PPA2: variants seen among roughly 807,000 people sequenced by gnomAD.
PPA2 encodes the protein inorganic pyrophosphatase 2.
In PPA2, 48 loss-of-function variants were observed where a neutral mutation model predicts 49.5. That is an observed-to-expected ratio of 0.97 (90% CI 0.77 to 1.23). PPA2 has a LOEUF of 1.23. Ranked by LOEUF, PPA2 falls within the 50% of genes most tolerant of loss-of-function variation. The pLI, the probability that PPA2 is intolerant of heterozygous loss-of-function variation, is 0.00. For missense variants in PPA2, 429 were observed against 410.1 expected (o/e 1.05, Z -0.40); for synonymous variants, 131 against 139.9 (o/e 0.94, Z 0.45).
intron 10 of PPA2, among the ~76,000 whole-genome samples, chr4:105,382,560 C>A (rs1181866098): frequency 6.6e-6 from 1 of 152,148 alleles, no homozygotes; most frequent in Non-Finnish European, 1.5e-5. Context: ...AACACACATT[C>A]TTTGTTCTCT....
chr4:105,397,000 G>A (rs1365152239), intron 8 of PPA2, among the ~76,000 whole-genome samples: 1 of 152,166 alleles, frequency 6.6e-6, no homozygotes, highest in Non-Finnish European at 1.5e-5. Flanking sequence ...GTCTAAAAAT[G>A]CATAAGCAAC....
At chr4:105,462,612 A>G (rs918745431) in intron 1 of PPA2, among the ~76,000 whole-genome samples, 1 of 152,254 alleles carries the variant, frequency 6.6e-6, no homozygotes, top group Non-Finnish European at 1.5e-5. Flanking sequence ...TCTATTCTAC[A>G]TAAGTTCTTA....
At chr4:105,471,020 G>C (rs1723501680) in intron 1 of PPA2, among the ~76,000 whole-genome samples, 1 of 152,176 alleles carries the variant, frequency 6.6e-6, no homozygotes, top group Admixed American at 6.5e-5. Flanking sequence ...AGTTTTTGGA[G>C]AAGTTACATC....
chr4:105,456,343 T>A, intron 2 of PPA2: 1 of 438,176 alleles, frequency 2.3e-6, no homozygotes. Flanking sequence ...CATGTTCACA[T>A]AGTGGCTAGC....
At chr4:105,408,957 C>T (rs1446957115) in intron 7 of PPA2, among the ~76,000 whole-genome samples, 1 of 152,170 alleles carries the variant, frequency 6.6e-6, no homozygotes, top group Non-Finnish European at 1.5e-5. Context: ...ATAGGAACAG[C>T]TCTGGTCTGC....
Position 105,396,385 on chromosome 4 carries a change from T to C in PPA2, c.784-51A>G, listed in dbSNP as rs549605544. 1.7e-4 allele frequency: 213 copies of C among 1,255,394 alleles called. 5 individuals are homozygous for C. In the South Asian group the frequency reaches 2.9e-3, roughly 17 times the overall value. 77.8% of individuals were successfully genotyped at this position (1,255,394 alleles called of 1,614,324 possible). On this transcript the variant is annotated intron_variant, in intron 8 of 11. Transcript: ENST00000341695. ...AAGACGTATTTAATATCAGTCACATTGTTACACTAACACAAAACTAATCTT... is the reference window on the plus strand; with the variant it reads ...AAGACGTATTTAATATCAGTCACATCGTTACACTAACACAAAACTAATCTT...
At chr4:105,453,285 G>A (rs368264769) in intron 3 of PPA2, among the ~76,000 whole-genome samples, 1 of 152,142 alleles carries the variant, frequency 6.6e-6, no homozygotes, top group Non-Finnish European at 1.5e-5. Flanking sequence ...TAGAGTTTCA[G>A]CTTGGGATGG....
intron 1 of PPA2, among the ~76,000 whole-genome samples, chr4:105,457,691 G>A (rs1578881790): frequency 1.3e-5 from 2 of 152,096 alleles, no homozygotes; most frequent in Admixed American, 6.5e-5. Flanking sequence ...AGCCTCCAGA[G>A]TAGCTGGGAC....
chr4:105,437,420 A>T (rs2636741), intron 6 of PPA2, among the ~76,000 whole-genome samples: 1 of 151,926 alleles, frequency 6.6e-6, no homozygotes, highest in Non-Finnish European at 1.5e-5. Context: ...GGGAGCATCA[A>T]TCTCTGAAAT....
chr4:105,405,819 A>G, intron 7 of PPA2: 1 of 469,984 alleles, frequency 2.1e-6, no homozygotes, highest in Non-Finnish European at 4.2e-6. Flanking sequence ...AACAACATGT[A>G]GGGCTGCATC....
chr4:105,400,909 C>T (rs1734338639), intron 7 of PPA2, among the ~76,000 whole-genome samples: 1 of 152,070 alleles, frequency 6.6e-6, no homozygotes, highest in African/African-American at 2.4e-5. Context: ...AAGTATAACT[C>T]TCCAAATATA....
chr4:105,455,844 CA>C (rs1187532902), intron 2 of PPA2, among the ~76,000 whole-genome samples: 1 of 152,186 alleles, frequency 6.6e-6, no homozygotes, highest in Non-Finnish European at 1.5e-5. Context: ...CTAGAAAACC[CA>C]ACCCCAAATT....
intron 7 of PPA2, among the ~76,000 whole-genome samples, chr4:105,403,169 G>T (rs1379214228): frequency 6.6e-6 from 1 of 152,012 alleles, no homozygotes; most frequent in South Asian, 2.1e-4. Flanking sequence ...GACTACAAGT[G>T]TGCACCACCA....
At chr4:105,473,749 A>T in intron 1 of PPA2, 145 bp downstream of exon 1, 1 of 1,212,280 alleles carries the variant, frequency 8.2e-7, no homozygotes, top group Non-Finnish European at 1.2e-6. Flanking sequence ...CGCGGGAAGT[A>T]AGGTGGCCTG....
intron 6 of PPA2, among the ~76,000 whole-genome samples, chr4:105,431,083 G>T (rs187310968): frequency 6.6e-6 from 1 of 152,270 alleles, no homozygotes; most frequent in East Asian, 1.9e-4. Flanking sequence ...GAGGACAGAG[G>T]GTTGGGAGTG....
chr4:105,370,669 T>C, intron 11 of PPA2, 168 bp downstream of exon 11: 1 of 927,984 alleles, frequency 1.1e-6, no homozygotes, highest in Non-Finnish European at 1.3e-6. Flanking sequence ...TTTTCTGAGT[T>C]AGAAAATATT....
chr4:105,461,699 A>G (rs999411788), intron 1 of PPA2, among the ~76,000 whole-genome samples: 45 of 152,220 alleles, frequency 3.0e-4, no homozygotes, highest in Admixed American at 2.9e-3. Flanking sequence ...TTATTTCTCA[A>G]CAGTCACTCA....
chr4:105,449,376 G>T lies in PPA2; in HGVS notation c.295C>A (p.Pro99Thr). ...ENLFNMIVEI[P>T]RWTNAKMEIA... Reference sequence around the variant, plus strand: ...TCCATTTTAGCATTTGTCCACCGAGGTATTTCTACAATCATATTAAACAGA... The same window carrying T: ...TCCATTTTAGCATTTGTCCACCGAGTTATTTCTACAATCATATTAAACAGA... The change falls in exon 4 of 12, where the codon CCT becomes ACT. Residue 99 changes from proline to threonine, a missense_variant. Pro to Thr is a conservative substitution (Grantham distance 38, BLOSUM62 -1). Coordinates refer to ENST00000341695, the MANE Select transcript of PPA2 (RefSeq NM_176869.3). 1 of 1,575,884 alleles carries T rather than the reference G, an allele frequency of 6.3e-7. No homozygotes were observed. Among genetic ancestry groups the T allele is most frequent in the South Asian group, 1.1e-5 (1 of 88,140 alleles).
intron 10 of PPA2, among the ~76,000 whole-genome samples, chr4:105,380,556 T>C (rs1733447408): frequency 6.6e-6 from 1 of 152,182 alleles, no homozygotes. Flanking sequence ...ACCTACTCTC[T>C]AGATTTAGAA....
Sources: allele counts gnomAD v4.1 joint callset (sites outside exome capture counted in the v4.1 genomes callset), GRCh38; gene constraint gnomAD v4.1.1; transcripts MANE v1.5; gene names NCBI Gene and HGNC (gene_info 2026-07-23, HGNC 2026-07-21).